Variants in CD36 observed in about 807,000 individuals in gnomAD.
The protein encoded by CD36 is platelet glycoprotein 4.
A neutral mutation model predicts 55.2 loss-of-function variants in CD36; 119 were observed. The observed-to-expected ratio is 2.15, with a 90% CI of 1.86 to 2.51. The LOEUF (loss-of-function observed/expected upper bound fraction) is 2.51, where lower values mean the gene tolerates loss of function less well. Ranked by LOEUF, CD36 falls within the 30% of genes most tolerant of loss-of-function variation. The pLI is 0.00. For missense variants in CD36, 819 were observed against 555.5 expected, an observed-to-expected ratio of 1.47 and a Z score of -4.77; for synonymous variants, 186 against 193.6, an observed-to-expected ratio of 0.96 and a Z score of 0.33.
At chr7:80,622,750 G>C (rs758455674) in intron 1 of CD36, among the ~76,000 whole-genome samples, 1 of 152,178 alleles carries the variant, frequency 6.6e-6, no homozygotes, top group Non-Finnish European at 1.5e-5. Flanking sequence ...TTTCCTATTA[G>C]TCCAGGAGAT....
intron 10 of CD36, among the ~76,000 whole-genome samples, chr7:80,671,670 GAAGA>G (rs1797685746): frequency 6.6e-6 from 1 of 151,086 alleles, no homozygotes; most frequent in East Asian, 1.9e-4. Context: ...GGGTGTGGAA[GAAGA>G]AAGAAAAAAC....
intron 13 of CD36, 77 bp from the exon 14 acceptor site, chr7:80,673,906 A>G: frequency 9.6e-7 from 1 of 1,041,770 alleles, no homozygotes; most frequent in Non-Finnish European, 1.5e-6. Context: ...GTTAGAAAAA[A>G]GGGTGATAGG....
intron 5 of CD36, among the ~76,000 whole-genome samples, chr7:80,661,610 G>A (rs926933886): frequency 6.6e-6 from 1 of 152,082 alleles, no homozygotes; most frequent in African/African-American, 2.4e-5. Context: ...TTTACTATAA[G>A]CAATAAACCA....
intron 1 of CD36, among the ~76,000 whole-genome samples, chr7:80,615,740 C>T (rs1460569740): frequency 1.3e-5 from 2 of 152,148 alleles, no homozygotes; most frequent in African/African-American, 4.8e-5. Context: ...TATTTCTTTA[C>T]TCTTCAGAAT....
At chr7:80,656,723 G>A in intron 4 of CD36, 23 bp downstream of exon 4, 1 of 1,604,022 alleles carries the variant, frequency 6.2e-7, no homozygotes, top group African/African-American at 1.3e-5. Context: ...CCACAAATAT[G>A]AGACACTCTT....
intron 5 of CD36, among the ~76,000 whole-genome samples, chr7:80,661,908 G>A (rs2116672086): frequency 6.6e-6 from 1 of 152,244 alleles, no homozygotes; most frequent in South Asian, 2.1e-4. Context: ...GCAGAGTCTA[G>A]CTATCCGCCA....
intron 1 of CD36, among the ~76,000 whole-genome samples, chr7:80,607,891 C>G (rs1188936953): frequency 6.6e-6 from 1 of 152,134 alleles, no homozygotes; most frequent in Non-Finnish European, 1.5e-5. Context: ...CCTGCCTCAT[C>G]CTCCCGAGTG....
At chr7:80,665,191 A>G (rs1490161423) in intron 7 of CD36, among the ~76,000 whole-genome samples, 1 of 149,360 alleles carries the variant, frequency 6.7e-6, no homozygotes, top group Non-Finnish European at 1.5e-5. Context: ...TTCCTAAGCC[A>G]TTATTTCCTT....
At chr7:80,672,968 A>G (rs1178997550) in intron 12 of CD36, 125 bp downstream of exon 12, 2 of 711,616 alleles carry the variant, frequency 2.8e-6, no homozygotes, top group African/African-American at 3.6e-5. Flanking sequence ...TCTTTAGCTT[A>G]ATGTCACCAA....
intron 1 of CD36, among the ~76,000 whole-genome samples, 177 bp from the exon 2 acceptor site, chr7:80,645,911 A>T (rs1225955831): frequency 3.9e-5 from 6 of 152,186 alleles, no homozygotes; most frequent in Admixed American, 3.3e-4. Context: ...CTCTTATTTT[A>T]AAAATTCCAT....
upstream of CD36, among the ~76,000 whole-genome samples, chr7:80,636,320 A>C (rs1056960396): frequency 6.6e-6 from 1 of 151,964 alleles, no homozygotes; most frequent in Admixed American, 6.6e-5. Context: ...CTATTCTTTG[A>C]TTATGAAAAT....
chr7:80,664,430 T>G lies in CD36; in HGVS notation c.634T>G (p.Tyr212Asp). The G allele has an allele frequency of 6.4e-7, 1 of 1,571,742 alleles. No individual in the cohort carries two copies. The change falls in exon 7 of 15, where the codon TAT becomes GAT. Residue 212 changes from tyrosine (Y) to aspartate (D), a missense_variant. By Grantham distance (160) the Tyr-to-Asp change is radical (BLOSUM62 -3). Transcript: ENST00000447544. ...YPYNNTADGV[Y>D]KVFNGKDNIS... ...GTACAACAATACTGCAGATGGAGTT[T>G]ATAAAGTTTTCAATGGAAAAGATAA...
intron 1 of CD36, among the ~76,000 whole-genome samples, chr7:80,603,072 G>C (rs1439902735): frequency 1.3e-5 from 2 of 151,998 alleles, no homozygotes; most frequent in Middle Eastern, 3.2e-3. Context: ...TTATTTGTGG[G>C]GTGGGGGCAG....
chr7:80,658,595 T>C (rs1294188915), intron 4 of CD36, among the ~76,000 whole-genome samples: 1 of 152,120 alleles, frequency 6.6e-6, no homozygotes, highest in Non-Finnish European at 1.5e-5. Flanking sequence ...TAGGCTCAAG[T>C]GATCCTCCCA....
intron 2 of CD36, chr7:80,646,447 T>C (rs1163945470): frequency 1.0e-5 from 4 of 393,576 alleles, no homozygotes; most frequent in Non-Finnish European, 1.9e-5. Flanking sequence ...AATTCAGATA[T>C]GACATTATTA....
chr7:80,644,750 A>G lies in CD36; in HGVS notation c.-183-1338A>G, dbSNP rs183179714. On this transcript the variant is annotated intron_variant, in intron 1 of 14. Transcript: ENST00000447544. ...TATTAATACACTTACAACATTAACA[A>G]CAATATTCTATGTGCCCTTTTTTGA... 3.3e-5 allele frequency among the ~76,000 whole-genome samples: 5 copies of G among 152,290 alleles called. No homozygotes were observed. In the East Asian group the frequency reaches 7.7e-4, roughly 24 times the overall value.
chr7:80,623,643 G>C (rs1166005163), intron 1 of CD36, among the ~76,000 whole-genome samples: 4 of 152,112 alleles, frequency 2.6e-5, no homozygotes. Flanking sequence ...TGTTAGTCTT[G>C]CTGGGCCCTG....
chr7:80,657,267 T>C (rs970892173), intron 4 of CD36, among the ~76,000 whole-genome samples: 3 of 152,090 alleles, frequency 2.0e-5, no homozygotes, highest in Middle Eastern at 6.8e-3. Flanking sequence ...AAATCCTGGG[T>C]GATTTGAATA....
At chr7:80,625,738 C>T (rs1337654738) in intron 1 of CD36, among the ~76,000 whole-genome samples, 2 of 152,042 alleles carry the variant, frequency 1.3e-5, no homozygotes, top group Non-Finnish European at 2.9e-5. Flanking sequence ...TGCTACTAAA[C>T]AGATATATGT....
Sources: allele counts gnomAD v4.1 joint callset (sites outside exome capture counted in the v4.1 genomes callset), GRCh38; gene constraint gnomAD v4.1.1; transcripts MANE v1.5; gene names NCBI Gene and HGNC (gene_info 2026-07-23, HGNC 2026-07-21).